The following SLC25A23 variants were observed in gnomAD, a reference collection of about 807,000 sequenced individuals.
SLC25A23 encodes the protein solute carrier family 25 member 23.
A neutral mutation model predicts 53.9 loss-of-function variants in SLC25A23; 32 were observed. The observed-to-expected ratio is 0.59, with a 90% CI of 0.45 to 0.80. The LOEUF (loss-of-function observed/expected upper bound fraction) is 0.80. Ranked by LOEUF, SLC25A23 falls within the 30% of genes least tolerant of loss-of-function variation. The pLI, the probability that SLC25A23 is intolerant of heterozygous loss-of-function variation, is 0.00. For synonymous variants in SLC25A23, 275 were observed against 264.5 expected (o/e 1.04, Z -0.38); for missense variants, 575 against 651.4 (o/e 0.88, Z 1.28).
At position 6,454,681 on chromosome 19, in the gene SLC25A23, C is replaced by T. The variant is rs753656506; in HGVS notation, c.520G>A (p.Glu174Lys). Residue 174 changes from glutamate (E) to lysine (K), a missense_variant, in exon 5 of 10, where the codon GAG becomes AAG. Physicochemically the swap from Glu to Lys is moderately conservative, Grantham distance 56 (BLOSUM62 1). Coordinates refer to ENST00000301454, the MANE Select transcript of SLC25A23 (RefSeq NM_024103.3). The surrounding 1 kb of genome is among the most constrained non-coding windows in gnomAD (Gnocchi z 4.3). ...DIGECLTVPD[E>K]FSKQEKLTGM... ...GTCAGCTTCTCTTGCTTTGAGAACT[C>T]GTCCGGCACTGTCAGGCACTCGCCA... The T allele has an allele frequency of 6.2e-6, 10 of 1,614,076 alleles. No individual in the cohort carries two copies. Among genetic ancestry groups the T allele is most frequent in the South Asian group, 1.1e-5 (1 of 91,088 alleles).
chr19:6,441,966 C>T lies in SLC25A23; in HGVS notation c.*9G>A. ...GGGTGAGGGATTGGGGGGACGGGCTCCGGGTCCCTCACCTGGACGTGACCC... is the reference window on the plus strand; with the variant it reads ...GGGTGAGGGATTGGGGGGACGGGCTTCGGGTCCCTCACCTGGACGTGACCC... On this transcript the variant is annotated 3_prime_UTR_variant, in exon 10 of 10. Coordinates refer to ENST00000301454, the MANE Select transcript of SLC25A23 (RefSeq NM_024103.3). 2.5e-6 allele frequency: 4 copies of T among 1,612,970 alleles called. No homozygotes were observed. The highest frequency in any genetic ancestry group is 3.4e-6 in the Non-Finnish European group (4 of 1,179,704).
chr19:6,456,726 C>T (rs917482765), intron 3 of SLC25A23, among the ~76,000 whole-genome samples, 195 bp from the exon 4 acceptor site: 1 of 152,056 alleles, frequency 6.6e-6, no homozygotes. Context: ...GTTGCCCAGG[C>T]TAGAGAGCAA....
rs374577579 is a variant in SLC25A23, at chr19:6,444,172, G to T, written c.1201C>A (p.Arg401=). The T allele has an allele frequency of 1.9e-5, 30 of 1,593,104 alleles. No homozygotes were observed. Among genetic ancestry groups the T allele is most frequent in the African/African-American group, 2.7e-5 (2 of 74,690 alleles). ...TCACCTTGTGCCTGCATGCGGGTCC[G>T]GACCAGGGCCAGCGGGTAACTGGCT... ...QIASYPLALV[R]TRMQAQASIE... Residue 401 remains arginine, a synonymous_variant, in exon 9 of 10, where the codon CGG becomes AGG. Transcript: ENST00000301454.
downstream of SLC25A23, chr19:6,436,496 G>A (rs1424718583): frequency 2.3e-6 from 1 of 442,296 alleles, no homozygotes; most frequent in Admixed American, 2.4e-5. Context: ...TGAGAAAGGG[G>A]GAGAGAGAGA....
At chr19:6,439,658 GTC>G, downstream of SLC25A23, among the ~76,000 whole-genome samples, 1 of 150,944 alleles carries the variant, frequency 6.6e-6, no homozygotes. Context: ...GTAAAACCCT[GTC>G]TCTCCTAAAA....
chr19:6,456,601 T>C, intron 3 of SLC25A23, 70 bp from the exon 4 acceptor site: 2 of 1,256,550 alleles, frequency 1.6e-6, no homozygotes, highest in South Asian at 1.2e-5. Flanking sequence ...GGGGTGAAGT[T>C]CTGCTAGGTT....
In SLC25A23 at chr19:6,442,163, G is replaced by A; in HGVS notation, c.1223-4C>T. 6.6e-7 allele frequency: 1 copy of A among 1,513,644 alleles called. No homozygotes were observed. The allele number at this position is 1,513,644 out of a possible 1,614,324, so 93.8% of individuals were successfully genotyped here. Reference sequence around the variant, plus strand: ...TGGGGGCCACCCTCGATGGAGGCTGGGAGGGGGCGGGGGGGGCACCAGGTA... The same window carrying A: ...TGGGGGCCACCCTCGATGGAGGCTGAGAGGGGGCGGGGGGGGCACCAGGTA... On this transcript the variant is annotated splice_polypyrimidine_tract_variant and splice_region_variant and intron_variant, in intron 9 of 9. Coordinates refer to ENST00000301454, the MANE Select transcript of SLC25A23 (RefSeq NM_024103.3).
At chr19:6,456,169 G>A (rs761135533) in intron 4 of SLC25A23, 47 of 1,362,576 alleles carry the variant, frequency 3.4e-5, no homozygotes, top group Admixed American at 4.7e-5. Flanking sequence ...ACCCCCACAC[G>A]CTGTCCCCAG....
intron 3 of SLC25A23, among the ~76,000 whole-genome samples, 154 bp from the exon 4 acceptor site, chr19:6,456,685 T>C (rs564063840): frequency 3.9e-4 from 60 of 152,280 alleles, no homozygotes; most frequent in African/African-American, 1.4e-3. Context: ...CATTTTCTTT[T>C]TTCTTTTTTT....
At position 6,454,058 on chromosome 19, in the gene SLC25A23, T is replaced by C. The variant is rs2092636310; in HGVS notation, c.826A>G (p.Thr276Ala). Residue 276 changes from threonine (T) to alanine (A), a missense_variant, in exon 7 of 10, where the codon ACA (threonine) becomes GCA (alanine). By Grantham distance (58) the Thr-to-Ala change is moderately conservative. Transcript: ENST00000301454. This position sits in a 1 kb window ranked among gnomAD's most constrained non-coding sequence, Gnocchi z 4.3. ...ACGAAGCGCTCCTGCACATGCAGTG[T>C]CTCCTGCTGCCCCAGGATGGCCCTC... Reference protein sequence around the residue: ...IKRAILGQQETLHVQERFVAG... With the variant: ...IKRAILGQQEALHVQERFVAG... 1 of 1,613,354 alleles carries C rather than the reference T, an allele frequency of 6.2e-7. No individual in the cohort carries two copies. Among genetic ancestry groups the C allele is most frequent in the Admixed American group, 1.7e-5 (1 of 59,952 alleles).
downstream of SLC25A23, among the ~76,000 whole-genome samples, chr19:6,437,423 T>G (rs2092340361): frequency 6.6e-6 from 1 of 152,176 alleles, no homozygotes; most frequent in African/African-American, 2.4e-5. Flanking sequence ...TGACCTTATT[T>G]GGAAATACGG....
intron 8 of SLC25A23, among the ~76,000 whole-genome samples, chr19:6,451,752 C>T (rs756732900): frequency 3.3e-5 from 5 of 151,736 alleles, no homozygotes; most frequent in African/African-American, 4.9e-5. Context: ...CTGAAGATGA[C>T]ATTGGCTTAG....
Position 6,457,739 on chromosome 19 carries a change from G to T in SLC25A23, c.284-149C>A, listed in dbSNP as rs1299883614. ...AGGAGGAGGTTTGCAGTAGGGCTGTGGGGGGACCCCTGACTCACTGGGGTC... is the reference window on the plus strand; with the variant it reads ...AGGAGGAGGTTTGCAGTAGGGCTGTTGGGGGACCCCTGACTCACTGGGGTC... On this transcript the variant is annotated intron_variant, in intron 2 of 9. Transcript: ENST00000301454. The T allele has an allele frequency of 7.6e-6, 5 of 658,166 alleles. No individual in the cohort carries two copies. The East Asian group carries it at 1.1e-4, about 14-fold the overall frequency. 40.8% of individuals were successfully genotyped at this position (658,166 alleles called of 1,614,324 possible).
In SLC25A23 at chr19:6,459,681, C is replaced by T. The variant is rs2092735353; in HGVS notation, c.-53G>A. The T allele has an allele frequency of 7.9e-7, 1 of 1,259,460 alleles. No homozygotes were observed. The allele number at this position is 1,259,460 out of a possible 1,614,324, so 78.0% of individuals were successfully genotyped here. A position where few individuals can be genotyped will look rare whatever the true frequency, so the allele number is the denominator to read the frequency against. On this transcript the variant is annotated 5_prime_UTR_variant, in exon 1 of 10. Transcript: ENST00000301454. The surrounding 1 kb of genome is among the most constrained non-coding windows in gnomAD (Gnocchi z 4.6). ...CCGGCAGCGGCGGCCTCAGTGGGGG[C>T]TTCGCGGCTCCCCCTCCCCCCCCGG...
chr19:6,454,871 C>T lies in SLC25A23; in HGVS notation c.484-154G>A, dbSNP rs1331697197. Among the ~76,000 whole-genome samples, 1 of 152,086 alleles carries T rather than the reference C, an allele frequency of 6.6e-6. No individual in the cohort carries two copies. Among genetic ancestry groups the T allele is most frequent in the Admixed American group, 6.5e-5 (1 of 15,280 alleles). The stretch of plus-strand genomic sequence containing the variant: ...GACCCCAGAAGAGTCCTGTTGGGTC[C>T]TACCAGGTGTCACCAAAGCATCTAA... On this transcript the variant is annotated intron_variant, in intron 4 of 9. Transcript: ENST00000301454. The surrounding 1 kb of genome is among the most constrained non-coding windows in gnomAD (Gnocchi z 4.3).
Position 6,442,023 on chromosome 19 carries a change from A to G in SLC25A23, c.1359T>C (p.Tyr453=). 1.9e-6 allele frequency: 3 copies of G among 1,613,916 alleles called. No individual in the cohort carries two copies. In the African/African-American group the frequency reaches 4.0e-5, roughly 22 times the overall value. Residue 453 remains tyrosine, a synonymous_variant, in exon 10 of 10, where the codon TAT becomes TAC. Coordinates refer to ENST00000301454, the MANE Select transcript of SLC25A23 (RefSeq NM_024103.3). ...CCTGCTTCATGTTCTCGTAGACCAC[A>G]TAGGAGATGCTCACAGCTGGAATAA... ...MKVIPAVSIS[Y]VVYENMKQAL...
At chr19:6,444,339 T>TGGGGGGGGCA in intron 8 of SLC25A23, 38 bp from the exon 9 acceptor site, 2 of 1,270,324 alleles carry the variant, frequency 1.6e-6, no homozygotes, top group Non-Finnish European at 2.2e-6. Context: ...TTGGGGTGGG[T>TGGGGGGGGCA]GACCCTAGGA....
At chr19:6,453,120 C>T (rs2144983336) in intron 7 of SLC25A23, among the ~76,000 whole-genome samples, 1 of 152,130 alleles carries the variant, frequency 6.6e-6, no homozygotes, top group Non-Finnish European at 1.5e-5. Context: ...CAAGCAGCCA[C>T]ATTGGTCCAT....
At position 6,442,174 on chromosome 19, in the gene SLC25A23, G is replaced by T. The variant is rs184554072; in HGVS notation, c.1223-15C>A. 8 of 1,482,952 alleles carry T rather than the reference G, an allele frequency of 5.4e-6. No homozygotes were observed. Among genetic ancestry groups the T allele is most frequent in the South Asian group, 2.6e-5 (2 of 76,576 alleles). The allele number at this position is 1,482,952 out of a possible 1,614,324, so 91.9% of individuals were successfully genotyped here. A position where few individuals can be genotyped will look rare whatever the true frequency, so the allele number is the denominator to read the frequency against. ...CTCGATGGAGGCTGGGAGGGGGCGG[G>T]GGGGGCACCAGGTAAGGCCAACGTT... On this transcript the variant is annotated splice_polypyrimidine_tract_variant and intron_variant, in intron 9 of 9. Transcript: ENST00000301454.
Sources: gnomAD v4.1 joint callset for allele counts (sites outside exome capture counted in the v4.1 genomes callset) on GRCh38, gnomAD v4.1.1 for gene constraint, Gnocchi (gnomAD v3.1) non-coding constraint, MANE v1.5 for transcripts, NCBI Gene and HGNC (gene_info 2026-07-23, HGNC 2026-07-21) for gene names.